Variants in AKAP9 observed in about 807,000 individuals in gnomAD.
AKAP9 encodes A-kinase anchoring protein 9.
Under a neutral mutation model 488.5 loss-of-function variants are expected in AKAP9, and 311 were observed. The ratio of observed to expected loss-of-function variants is 0.64; its 90% CI spans 0.58 to 0.70. The LOEUF is 0.70. Ranked by LOEUF, AKAP9 falls within the 30% of genes least tolerant of loss-of-function variation. AKAP9 has a pLI of 0.00. For synonymous variants in AKAP9, 1,462 were observed against 1,483.5 expected, an observed-to-expected ratio of 0.99 and a Z score of 0.33; for missense variants, 4,215 against 4,374.5, an observed-to-expected ratio of 0.96 and a Z score of 1.03.
At chr7:92,058,860 AAT>A (rs754674085) in intron 22 of AKAP9, among the ~76,000 whole-genome samples, 32 of 152,024 alleles carry the variant, frequency 2.1e-4, no homozygotes, top group Non-Finnish European at 4.1e-4. Flanking sequence ...TTCTAATTTT[AAT>A]ATTCTTAACA....
intron 47 of AKAP9, 60 bp downstream of exon 47, chr7:92,105,823 C>A: frequency 2.1e-6 from 3 of 1,411,012 alleles, no homozygotes; most frequent in Admixed American, 1.7e-5. Context: ...AGGTCCCCCA[C>A]CCCCAGACTA....
chr7:91,987,898 A>G (rs551710251), intron 3 of AKAP9, among the ~76,000 whole-genome samples: 1 of 152,268 alleles, frequency 6.6e-6, no homozygotes, highest in South Asian at 2.1e-4. Flanking sequence ...TTGGCCGGGC[A>G]TAGTAGCTCA....
Position 91,974,955 on chromosome 7 carries a change from A to G in AKAP9, c.306+987A>G, listed in dbSNP as rs554609424. 2.0e-5 allele frequency among the ~76,000 whole-genome samples: 3 copies of G among 151,608 alleles called. No homozygotes were observed. In the East Asian group the frequency reaches 5.9e-4, roughly 30 times the overall value. ...AACCTCTGTCACCCAGGCCCAAGCC[A>G]TCCTCCCACCTCAGCCTCCTGAGTA... is the stretch of plus-strand genomic sequence containing the variant. On this transcript the variant is annotated intron_variant, in intron 2 of 49. Coordinates refer to ENST00000356239, the MANE Select transcript of AKAP9 (RefSeq NM_005751.5).
chr7:92,074,376 G>A lies in AKAP9; in HGVS notation c.6613-2479G>A, dbSNP rs569778875. On this transcript the variant is annotated intron_variant, in intron 28 of 49. Transcript: ENST00000356239. ...AAGAGGAAACAACAGATGCTGGAGA[G>A]GATGTGGAGAAATAGGAACACCTTT... Among the ~76,000 whole-genome samples the A allele has an allele frequency of 1.4e-4, 21 of 152,290 alleles. No individual in the cohort carries two copies. In the South Asian group the frequency reaches 4.1e-3, roughly 30 times the overall value.
At position 92,029,894 on chromosome 7, in the gene AKAP9, G is replaced by C; in HGVS notation, c.4149-1G>C. The C allele has an allele frequency of 6.2e-7, 1 of 1,607,986 alleles. No individual in the cohort carries two copies. The highest frequency in any genetic ancestry group is 8.5e-7 in the Non-Finnish European group (1 of 1,174,740). The stretch of plus-strand genomic sequence containing the variant: ...CTTTAACCTTTTTTATTTATATTCA[G>C]CTTACCTGTTGATTCGGTGGTAATT... On this transcript the variant is annotated splice_acceptor_variant, in intron 14 of 49. Transcript: ENST00000356239. LOFTEE classifies it high-confidence loss of function.
In AKAP9 at chr7:92,096,819, A is replaced by G. The variant is rs753550970; in HGVS notation, c.9860A>G (p.Gln3287Arg). 1.5e-5 allele frequency: 24 copies of G among 1,614,258 alleles called. No homozygotes were observed. Among genetic ancestry groups the G allele is most frequent in the Non-Finnish European group, 1.9e-5 (22 of 1,180,044 alleles). ...IESQRMLYDA[Q>R]LSEEQGRNLE... Reference sequence around the variant, plus strand: ...TCACAGAGAATGCTATATGATGCCCAGTTGTCAGAAGAACAAGGTCGAAAC... The same window carrying G: ...TCACAGAGAATGCTATATGATGCCCGGTTGTCAGAAGAACAAGGTCGAAAC... Residue 3287 changes from glutamine to arginine, a missense_variant, in exon 41 of 50, where the codon CAG becomes CGG. This residue lies in a region of AKAP9 where 1,476 missense variants were observed against 1,477.4 expected (regional missense o/e 1.00). Coordinates refer to ENST00000356239, the MANE Select transcript of AKAP9 (RefSeq NM_005751.5).
intron 26 of AKAP9, among the ~76,000 whole-genome samples, chr7:92,069,586 G>A (rs1811349516): frequency 6.6e-6 from 1 of 152,190 alleles, no homozygotes; most frequent in Admixed American, 6.5e-5. Flanking sequence ...TAAAATGCTT[G>A]AGAGAAGTGT....
rs1401144711 is a variant in AKAP9, at chr7:92,085,674, A to G, written c.9012A>G (p.Gln3004=). 1 of 1,612,494 alleles carries G rather than the reference A, an allele frequency of 6.2e-7. No homozygotes were observed. Among genetic ancestry groups the G allele is most frequent in the East Asian group, 2.2e-5 (1 of 44,872 alleles). Residue 3004 remains glutamine, a synonymous_variant, in exon 36 of 50, where the codon CAA becomes CAG. Transcript: ENST00000356239. The part of the protein sequence containing the change: ...LKDLITKMQL[Q]REAEVYDSSQ... ...ATTTAATTACAAAGATGCAACTGCA[A>G]AGAGAAGCCGAGGTAACCAAAGAAT...
At position 92,045,220 on chromosome 7, in the gene AKAP9, G is replaced by A. The variant is rs1474828432; in HGVS notation, c.5368+7G>A. 1 of 1,612,114 alleles carries A rather than the reference G, an allele frequency of 6.2e-7. No homozygotes were observed. Among genetic ancestry groups the A allele is most frequent in the African/African-American group, 1.3e-5 (1 of 74,854 alleles). On this transcript the variant is annotated splice_region_variant and intron_variant, in intron 21 of 49. Transcript: ENST00000356239. ...CATGAGGAACATACAAGAGGTACTA[G>A]TTTTCTGTGTTGTGGAAACAATCAT...
At chr7:91,991,055 C>T (rs189598282) in intron 3 of AKAP9, among the ~76,000 whole-genome samples, 2 of 152,224 alleles carry the variant, frequency 1.3e-5, no homozygotes, top group African/African-American at 4.8e-5. Flanking sequence ...ATCAAAAAAC[C>T]ATAGTGTATA....
Position 92,014,263 on chromosome 7 carries a change from C to A in AKAP9, c.3547C>A (p.Pro1183Thr). 6.2e-7 allele frequency: 1 copy of A among 1,611,316 alleles called. No individual in the cohort carries two copies. The part of the protein sequence containing the change: ...KTQETGDEGK[P>T]LHLLIGKLQK... ...TGTTCTATTAGGTGATGAAGGAAAG[C>A]CTTTACATCTGCTCATTGGAAAACT... The change falls in exon 10 of 50, where the codon CCT (proline) becomes ACT (threonine). Residue 1183 changes from proline to threonine, a missense_variant. Transcript: ENST00000356239.
intron 38 of AKAP9, chr7:92,092,378 C>G (rs1815782512): frequency 6.6e-6 from 1 of 152,200 alleles, no homozygotes; most frequent in African/African-American, 2.4e-5. Context: ...CAAAAGATAT[C>G]AGCAGTGCTC....
intron 49 of AKAP9, 184 bp downstream of exon 49, chr7:92,108,817 A>C: frequency 1.3e-6 from 1 of 753,158 alleles, no homozygotes; most frequent in African/African-American, 1.7e-5. Context: ...TAAATAATTT[A>C]AGTGAAAATA....
intron 38 of AKAP9, chr7:92,092,426 T>C (rs979586137): frequency 6.6e-6 from 1 of 152,220 alleles, no homozygotes; most frequent in Non-Finnish European, 1.5e-5. Flanking sequence ...CCAAATACTT[T>C]GTGTGACTAT....
chr7:92,075,144 G>T, intron 28 of AKAP9, among the ~76,000 whole-genome samples: 1 of 151,736 alleles, frequency 6.6e-6, no homozygotes, highest in East Asian at 1.9e-4. Context: ...TGCACACCCA[G>T]CATGCTCCCA....
At chr7:92,108,769 A>G (rs920484815) in intron 49 of AKAP9, 136 bp downstream of exon 49, 1 of 1,076,386 alleles carries the variant, frequency 9.3e-7, no homozygotes, top group Non-Finnish European at 1.4e-6. Context: ...TAAGTTAGCC[A>G]AAGCTTAAAC....
chr7:91,958,433 G>A (rs1206729091), intron 1 of AKAP9, among the ~76,000 whole-genome samples: 2 of 152,136 alleles, frequency 1.3e-5, no homozygotes, highest in Non-Finnish European at 2.9e-5. Flanking sequence ...ACTTAGGGTA[G>A]ATAACGTTAG....
At chr7:91,970,595 A>T (rs1036475572) in intron 1 of AKAP9, 9 of 426,078 alleles carry the variant, frequency 2.1e-5, no homozygotes, top group Non-Finnish European at 4.2e-5. Context: ...GCTTTGCTGG[A>T]TACAGTATCC....
chr7:92,041,544 T>A (rs1806111114), intron 18 of AKAP9: 1 of 155,852 alleles, frequency 6.4e-6, no homozygotes, highest in Non-Finnish European at 1.4e-5. Context: ...TGTCAACTGC[T>A]GTATAAAATA....
Sources: gnomAD v4.1 joint callset for allele counts (sites outside exome capture counted in the v4.1 genomes callset) on GRCh38, gnomAD v4.1.1 for gene constraint, gnomAD v4.1.1 regional missense constraint, MANE v1.5 for transcripts, NCBI Gene and HGNC (gene_info 2026-07-23, HGNC 2026-07-21) for gene names.